Variants in PCDHA11 observed in about 807,000 individuals in gnomAD.
The protein encoded by PCDHA11 is protocadherin alpha-11.
PCDHA11 carries 61 observed loss-of-function variants against 70.3 expected under a neutral mutation model. The ratio of observed to expected loss-of-function variants is 0.87; its 90% CI spans 0.71 to 1.07. PCDHA11 has a LOEUF of 1.07. Ranked by LOEUF, PCDHA11 falls within the 50% of genes least tolerant of loss-of-function variation. The pLI, the probability that PCDHA11 is intolerant of heterozygous loss-of-function variation, is 0.00. For synonymous variants in PCDHA11, 633 were observed against 555.1 expected, an observed-to-expected ratio of 1.14 and a Z score of -1.97; for missense variants, 1,324 against 1,237.5, an observed-to-expected ratio of 1.07 and a Z score of -1.05.
At chr5:140,912,897 G>T (rs782442093) in intron 1 of PCDHA11, among the ~76,000 whole-genome samples, 1 of 152,290 alleles carries the variant, frequency 6.6e-6, no homozygotes, top group East Asian at 1.9e-4. Context: ...TTGATATGAT[G>T]TATCATATTG....
At chr5:140,927,575 A>G (rs782237037) in intron 1 of PCDHA11, 1 of 1,614,202 alleles carries the variant, frequency 6.2e-7, no homozygotes, top group South Asian at 1.1e-5. Context: ...GACACAAATG[A>G]CAACGCGCCT....
chr5:140,889,831 T>C (rs2062398202), intron 1 of PCDHA11, among the ~76,000 whole-genome samples: 1 of 152,138 alleles, frequency 6.6e-6, no homozygotes, highest in African/African-American at 2.4e-5. Flanking sequence ...AGTCTTACAG[T>C]ATGCTTTGGT....
At chr5:140,922,891 G>GA (rs1554201035) in intron 1 of PCDHA11, among the ~76,000 whole-genome samples, 2 of 152,160 alleles carry the variant, frequency 1.3e-5, no homozygotes, top group Non-Finnish European at 2.9e-5. Context: ...CATCATTCAA[G>GA]AAAAAATTTT....
chr5:140,973,388 G>T (rs1192097180), intron 1 of PCDHA11, among the ~76,000 whole-genome samples: 4 of 152,202 alleles, frequency 2.6e-5, no homozygotes, highest in South Asian at 4.1e-4. Flanking sequence ...AATAGACAAA[G>T]AAATCATATC....
At chr5:140,916,323 C>G (rs1035282237) in intron 1 of PCDHA11, among the ~76,000 whole-genome samples, 2 of 152,210 alleles carry the variant, frequency 1.3e-5, no homozygotes. Flanking sequence ...ACAAAGTCCC[C>G]TTTACTTTTT....
chr5:140,871,935 T>A (rs373740331), intron 1 of PCDHA11, among the ~76,000 whole-genome samples: 2 of 152,262 alleles, frequency 1.3e-5, no homozygotes, highest in Non-Finnish European at 2.9e-5. Flanking sequence ...TTAGATCAAC[T>A]GGCTTTGTTT....
intron 1 of PCDHA11, among the ~76,000 whole-genome samples, chr5:140,959,117 G>A (rs2095468242): frequency 6.6e-6 from 1 of 152,174 alleles, no homozygotes; most frequent in South Asian, 2.1e-4. Flanking sequence ...CCGAAGGTGG[G>A]CGAGGTGAGC....
intron 1 of PCDHA11, among the ~76,000 whole-genome samples, chr5:140,892,982 A>G (rs1430280813): frequency 2.0e-5 from 3 of 152,238 alleles, no homozygotes; most frequent in Non-Finnish European, 4.4e-5. Context: ...TAGCTGCCGT[A>G]TAAGTGAGAA....
chr5:140,998,220 C>G (rs1554256199), intron 3 of PCDHA11, among the ~76,000 whole-genome samples: 1 of 152,106 alleles, frequency 6.6e-6, no homozygotes, highest in African/African-American at 2.4e-5. Context: ...ATAACCACAC[C>G]CAGAAATTTG....
At chr5:140,872,638 G>A (rs1429990038) in intron 1 of PCDHA11, among the ~76,000 whole-genome samples, 2 of 152,092 alleles carry the variant, frequency 1.3e-5, no homozygotes, top group Admixed American at 1.3e-4. Flanking sequence ...TTTGTTCCAT[G>A]AAAAGGCAAG....
At chr5:140,875,262 C>A in intron 1 of PCDHA11, 1 of 1,157,366 alleles carries the variant, frequency 8.6e-7, no homozygotes, top group African/African-American at 1.6e-5. Flanking sequence ...CATGATGTCG[C>A]TCTACACTCA....
intron 1 of PCDHA11, chr5:140,882,139 A>G (rs1185324508): frequency 6.0e-6 from 9 of 1,489,890 alleles, no homozygotes; most frequent in South Asian, 4.2e-5. Context: ...TGCAGAAAAT[A>G]TAGCAGAAAG....
At chr5:140,881,382 C>A in intron 1 of PCDHA11, 1 of 984,112 alleles carries the variant, frequency 1.0e-6, no homozygotes, top group Non-Finnish European at 1.2e-6. Context: ...CAGCCGGCGG[C>A]GGTAAGTTAA....
At chr5:140,938,427 T>G (rs992312670) in intron 1 of PCDHA11, among the ~76,000 whole-genome samples, 3 of 152,206 alleles carry the variant, frequency 2.0e-5, no homozygotes, top group African/African-American at 7.2e-5. Flanking sequence ...GCAAAAATCC[T>G]TTATCAGATT....
At chr5:140,882,131 C>A (rs1236835670) in intron 1 of PCDHA11, 2 of 1,475,734 alleles carry the variant, frequency 1.4e-6, no homozygotes, top group South Asian at 1.4e-5. Context: ...TTTCTTCCTG[C>A]AGAAAATATA....
At chr5:140,880,420 A>C (rs1554171279) in intron 1 of PCDHA11, among the ~76,000 whole-genome samples, 2 of 152,230 alleles carry the variant, frequency 1.3e-5, no homozygotes, top group Non-Finnish European at 2.9e-5. Context: ...TAAAAGCGGG[A>C]ACAGTTTTTC....
At chr5:140,992,471 A>G (rs1563581785) in intron 3 of PCDHA11, among the ~76,000 whole-genome samples, 1 of 152,186 alleles carries the variant, frequency 6.6e-6, no homozygotes, top group Non-Finnish European at 1.5e-5. Context: ...TACTCTTTAG[A>G]TCACCCAGAG....
chr5:140,986,467 T>G (rs190246289), intron 3 of PCDHA11, among the ~76,000 whole-genome samples: 4 of 152,196 alleles, frequency 2.6e-5, no homozygotes, highest in Non-Finnish European at 5.9e-5. Context: ...AATGCCCTCT[T>G]GTGATCAGTT....
chr5:140,869,630 A>G lies in PCDHA11; in HGVS notation c.527A>G (p.Glu176Gly). Residue 176 changes from glutamate to glycine, a missense_variant, in exon 1 of 4, where the codon GAG becomes GGG. By Grantham distance (98) the Glu-to-Gly change is moderately conservative. Coordinates refer to ENST00000398640, the MANE Select transcript of PCDHA11 (RefSeq NM_018902.5). ...TTGACCTACAGGCTAAGTAAAAATG[A>G]GTATTTTTCTTTAGATTCACCAACA... ...ALLTYRLSKNEYFSLDSPTNG... is the reference protein window; with the variant it reads ...ALLTYRLSKNGYFSLDSPTNG... 1.2e-6 allele frequency: 2 copies of G among 1,613,720 alleles called. No individual in the cohort carries two copies. Among genetic ancestry groups the G allele is most frequent in the Non-Finnish European group, 8.5e-7 (1 of 1,179,870 alleles).
Sources: gnomAD v4.1 joint callset for allele counts (sites outside exome capture counted in the v4.1 genomes callset) on GRCh38, gnomAD v4.1.1 for gene constraint, MANE v1.5 for transcripts, NCBI Gene and HGNC (gene_info 2026-07-23, HGNC 2026-07-21) for gene names.